PCDH7: variants seen among roughly 807,000 people sequenced by gnomAD.
PCDH7 encodes protocadherin-7.
PCDH7 carries 17 observed loss-of-function variants against 58.9 expected under a neutral mutation model. The observed-to-expected ratio is 0.29, with a 90% CI of 0.20 to 0.43. The LOEUF is 0.43. Among genes scored for constraint, PCDH7 ranks in the 20% least tolerant of loss-of-function variants. The pLI is 1.00. For synonymous variants in PCDH7, 664 were observed against 616.4 expected (o/e 1.08, Z -1.14); for missense variants, 1,274 against 1,441.0 (o/e 0.88, Z 1.88).
intron 1 of PCDH7, among the ~76,000 whole-genome samples, chr4:30,870,806 G>C (rs1735480985): frequency 6.6e-6 from 1 of 152,090 alleles, no homozygotes; most frequent in Non-Finnish European, 1.5e-5. Flanking sequence ...CACAGTCTTG[G>C]CTATGCCTCA....
rs1724669371 is a variant in PCDH7 at position 30,795,548 on chromosome 4, A to G, written c.70+70952A>G. Among the ~76,000 whole-genome samples the G allele has an allele frequency of 2.0e-5, 3 of 152,194 alleles. No individual in the cohort carries two copies. In the South Asian group the frequency reaches 6.2e-4, roughly 31 times the overall value. On this transcript the variant is annotated intron_variant, in intron 1 of 3. Transcript: ENST00000509759. ...GCGAACATTGCCTGGCATACAGTAA[A>G]TGCATCTAGGTGCAATCTGCTATTA...
chr4:30,980,302 T>C (rs1170681084), intron 3 of PCDH7, among the ~76,000 whole-genome samples: 3 of 152,226 alleles, frequency 2.0e-5, no homozygotes, highest in Non-Finnish European at 4.4e-5. Flanking sequence ...ATCTGAAACA[T>C]GCTACATCAT....
intron 2 of PCDH7, among the ~76,000 whole-genome samples, chr4:30,941,693 T>C (rs892875060): frequency 2.0e-5 from 3 of 151,952 alleles, no homozygotes; most frequent in South Asian, 4.1e-4. Context: ...TCACTCTGTG[T>C]TGATTACTCC....
chr4:31,056,510 AAAGAAAGG>A (rs199898674), intron 3 of PCDH7, among the ~76,000 whole-genome samples: 6,173 of 111,226 alleles, frequency 0.055, 455 homozygotes, highest in East Asian at 0.13. Context: ...AGAAAGAAAG[AAAGAAAGG>A]GGAAGGGAAG....
intron 3 of PCDH7, among the ~76,000 whole-genome samples, chr4:31,021,512 C>T (rs1754013803): frequency 6.6e-6 from 1 of 152,160 alleles, no homozygotes; most frequent in South Asian, 2.1e-4. Context: ...AATTTTAGTG[C>T]TTTAACCCAA....
intron 1 of PCDH7, among the ~76,000 whole-genome samples, chr4:30,909,274 A>G (rs1169848782): frequency 2.0e-5 from 3 of 152,330 alleles, no homozygotes; most frequent in African/African-American, 4.8e-5. Context: ...ACGGCACAAG[A>G]CAAGGATGCC....
chr4:30,813,114 T>C (rs973041252), intron 1 of PCDH7, among the ~76,000 whole-genome samples: 3 of 152,166 alleles, frequency 2.0e-5, no homozygotes, highest in Non-Finnish European at 4.4e-5. Flanking sequence ...GTATGGTGCG[T>C]CATATTGGGA....
intron 3 of PCDH7, among the ~76,000 whole-genome samples, chr4:31,015,924 T>C (rs1314557160): frequency 6.6e-6 from 1 of 152,226 alleles, no homozygotes; most frequent in Non-Finnish European, 1.5e-5. Context: ...ATTAGTTATG[T>C]TCATGTGTAC....
At chr4:30,889,137 C>CAAAAATAAAAAAAAAA (rs1738251706) in intron 1 of PCDH7, among the ~76,000 whole-genome samples, 1 of 49,986 alleles carries the variant, frequency 2.0e-5, no homozygotes, top group Non-Finnish European at 3.9e-5. Flanking sequence ...GCAGATATCT[C>CAAAAATAAAAAAAAAA]AAAAAAAAAA....
At chr4:31,037,347 G>A (rs1161214624) in intron 3 of PCDH7, among the ~76,000 whole-genome samples, 2 of 152,060 alleles carry the variant, frequency 1.3e-5, no homozygotes, top group South Asian at 4.1e-4. Flanking sequence ...TTAATTATTA[G>A]CATATACTAG....
At chr4:30,768,890 A>G (rs1721061308) in intron 1 of PCDH7, among the ~76,000 whole-genome samples, 1 of 152,226 alleles carries the variant, frequency 6.6e-6, no homozygotes, top group Non-Finnish European at 1.5e-5. Flanking sequence ...AAATTTCTTC[A>G]TGGAGTTATT....
chr4:30,734,952 TC>T, downstream of PCDH7, among the ~76,000 whole-genome samples: 1 of 152,212 alleles, frequency 6.6e-6, no homozygotes, highest in Non-Finnish European at 1.5e-5. Context: ...GTCCCTGCCT[TC>T]CTTGTGTGGT....
downstream of PCDH7, chr4:31,143,031 A>G (rs1331577041): frequency 3.1e-6 from 1 of 326,706 alleles, no homozygotes; most frequent in Non-Finnish European, 5.9e-6. Context: ...CTACTGTACA[A>G]TGTAGAAACC....
At chr4:30,805,396 A>G (rs1274077595) in intron 1 of PCDH7, among the ~76,000 whole-genome samples, 1 of 152,160 alleles carries the variant, frequency 6.6e-6, no homozygotes, top group Non-Finnish European at 1.5e-5. Context: ...TAGTTTTCTC[A>G]TCTATAAAAT....
chr4:30,771,034 G>A (rs573991749), intron 1 of PCDH7, among the ~76,000 whole-genome samples: 1 of 152,238 alleles, frequency 6.6e-6, no homozygotes, highest in East Asian at 1.9e-4. Context: ...TTCTGGGAAG[G>A]TCACACCCTA....
intron 3 of PCDH7, among the ~76,000 whole-genome samples, chr4:31,137,482 G>A (rs2109343538): frequency 6.6e-6 from 1 of 152,300 alleles, no homozygotes; most frequent in East Asian, 1.9e-4. Flanking sequence ...TACTCAGGAG[G>A]CTGAGACATG....
intron 3 of PCDH7, among the ~76,000 whole-genome samples, chr4:31,063,872 G>T (rs1363033291): frequency 6.6e-6 from 1 of 151,898 alleles, no homozygotes; most frequent in African/African-American, 2.4e-5. Context: ...CCATTTTATA[G>T]ATGGAGAAAC....
rs896531462 is a variant in PCDH7, at chr4:31,013,057, C to T, written c.*7+62842C>T. On this transcript the variant is annotated intron_variant, in intron 3 of 3. Transcript: ENST00000509759. The stretch of plus-strand genomic sequence containing the variant: ...AATAAATTAGCCAGGCATAGTGGCA[C>T]ATGGCTGTAGTCCCAAATACTCTAG... Among the ~76,000 whole-genome samples the T allele has an allele frequency of 2.7e-5, 4 of 148,840 alleles. 1 individual carries two copies. In the South Asian group the frequency reaches 9.0e-4, roughly 33 times the overall value.
At chr4:31,111,604 GA>G (rs1716330427) in intron 3 of PCDH7, among the ~76,000 whole-genome samples, 1 of 152,024 alleles carries the variant, frequency 6.6e-6, no homozygotes, top group Non-Finnish European at 1.5e-5. Flanking sequence ...TCTCCATCAT[GA>G]TAAAACAAAC....
Sources: allele counts gnomAD v4.1 joint callset (sites outside exome capture counted in the v4.1 genomes callset), GRCh38; gene constraint gnomAD v4.1.1; transcripts MANE v1.5; gene names NCBI Gene and HGNC (gene_info 2026-07-23, HGNC 2026-07-21).